The following CSMD1 variants were observed in gnomAD, a reference collection of about 807,000 sequenced individuals.
CSMD1 encodes the protein CUB and Sushi multiple domains 1.
A neutral mutation model predicts 417.5 loss-of-function variants in CSMD1; 213 were observed. That is an observed-to-expected ratio of 0.51 (90% CI 0.46 to 0.57). CSMD1 has a LOEUF of 0.57. Among genes scored for constraint, CSMD1 ranks in the 20% least tolerant of loss-of-function variants. CSMD1 has a pLI of 0.00. For missense variants in CSMD1, 6,923 were observed against 4,529.7 expected (o/e 1.53, Z -15.17); for synonymous variants, 2,862 against 1,736.8 (o/e 1.65, Z -16.11).
At chr8:4,436,589 C>G (rs1413318607) in intron 2 of CSMD1, among the ~76,000 whole-genome samples, 1 of 152,110 alleles carries the variant, frequency 6.6e-6, no homozygotes, top group African/African-American at 2.4e-5. Flanking sequence ...TGATTATATC[C>G]ATCCTGCTGT....
intron 3 of CSMD1, among the ~76,000 whole-genome samples, chr8:4,219,859 TAG>T (rs1800921880): frequency 6.6e-6 from 1 of 152,206 alleles, no homozygotes; most frequent in African/African-American, 2.4e-5. Context: ...GGGGAGTGCA[TAG>T]AAAGACAAAA....
chr8:4,682,332 G>C (rs1806104598), intron 1 of CSMD1, among the ~76,000 whole-genome samples: 1 of 152,066 alleles, frequency 6.6e-6, no homozygotes, highest in African/African-American at 2.4e-5. Context: ...TGCTTAGACT[G>C]AAAAATGCTT....
intron 3 of CSMD1, among the ~76,000 whole-genome samples, chr8:4,070,564 A>G (rs1022458979): frequency 6.6e-6 from 1 of 152,036 alleles, no homozygotes; most frequent in Non-Finnish European, 1.5e-5. Flanking sequence ...TCACCGTGTT[A>G]GCCAGGATGG....
intron 2 of CSMD1, among the ~76,000 whole-genome samples, chr8:4,561,353 A>G (rs1798322400): frequency 6.6e-6 from 1 of 152,184 alleles, no homozygotes; most frequent in Non-Finnish European, 1.5e-5. Context: ...CAGCCCGGTG[A>G]CAGAATGAGA....
At chr8:4,300,954 T>C (rs757856971) in intron 3 of CSMD1, among the ~76,000 whole-genome samples, 5 of 152,150 alleles carry the variant, frequency 3.3e-5, no homozygotes, top group African/African-American at 4.8e-5. Context: ...TTTAGGTTGG[T>C]TCCAAGTCTT....
chr8:3,037,044 G>A (rs1302212253), intron 50 of CSMD1, among the ~76,000 whole-genome samples: 2 of 152,074 alleles, frequency 1.3e-5, no homozygotes, highest in Non-Finnish European at 2.9e-5. Context: ...CTATAGATGG[G>A]CTCCCACTTA....
intron 30 of CSMD1, among the ~76,000 whole-genome samples, chr8:3,214,210 C>T (rs1797767414): frequency 6.6e-6 from 1 of 151,960 alleles, no homozygotes. Flanking sequence ...TAATTAGCAC[C>T]TCTTATAAAG....
chr8:4,319,207 T>C (rs971536728), intron 3 of CSMD1, among the ~76,000 whole-genome samples: 5 of 152,212 alleles, frequency 3.3e-5, no homozygotes, highest in African/African-American at 1.2e-4. Flanking sequence ...ATTACAGATT[T>C]TGATGAAAAG....
rs551077531 is a variant in CSMD1, at chr8:3,308,581, G to T, written c.3632-78C>A. On this transcript the variant is annotated intron_variant, in intron 23 of 69. Coordinates refer to ENST00000635120, the MANE Select transcript of CSMD1 (RefSeq NM_033225.6). Reference sequence around the variant, plus strand: ...TTAAAACAGAGATGAAACAAACAAGGTTGCTAAATGCTCCTTGAAGGGTAG... The same window carrying T: ...TTAAAACAGAGATGAAACAAACAAGTTTGCTAAATGCTCCTTGAAGGGTAG... 2.7e-5 allele frequency: 32 copies of T among 1,180,840 alleles called. No homozygotes were observed. In the East Asian group the frequency reaches 4.0e-4, roughly 15 times the overall value. 73.1% of individuals were successfully genotyped at this position (1,180,840 alleles called of 1,614,324 possible).
intron 2 of CSMD1, among the ~76,000 whole-genome samples, chr8:4,468,364 C>T (rs1324718427): frequency 6.6e-6 from 1 of 152,098 alleles, no homozygotes; most frequent in Non-Finnish European, 1.5e-5. Flanking sequence ...CTTTTAAAAA[C>T]CATTAATAAA....
intron 6 of CSMD1, among the ~76,000 whole-genome samples, chr8:3,749,915 A>C (rs1797248426): frequency 6.6e-6 from 1 of 151,640 alleles, no homozygotes; most frequent in South Asian, 2.1e-4. Context: ...GTGTGTAGCT[A>C]CTCATTTCTG....
chr8:3,149,601 C>G (rs971017136), intron 40 of CSMD1, among the ~76,000 whole-genome samples: 48 of 152,274 alleles, frequency 3.2e-4, no homozygotes, highest in Non-Finnish European at 6.0e-4. Context: ...CCTCAGCCTC[C>G]CAAGTAGTTG....
chr8:4,723,050 T>C (rs1031230207), intron 1 of CSMD1, among the ~76,000 whole-genome samples: 33 of 152,156 alleles, frequency 2.2e-4, no homozygotes, highest in African/African-American at 1.4e-4. Context: ...CAAAACAGTA[T>C]TGATCTCCTT....
At chr8:4,107,835 C>G (rs898870821) in intron 3 of CSMD1, among the ~76,000 whole-genome samples, 2 of 152,222 alleles carry the variant, frequency 1.3e-5, no homozygotes, top group African/African-American at 4.8e-5. Context: ...AACGAAGAGA[C>G]AGGCTGCACA....
At chr8:4,685,691 G>T (rs148706931) in intron 1 of CSMD1, among the ~76,000 whole-genome samples, 1 of 152,318 alleles carries the variant, frequency 6.6e-6, no homozygotes, top group Non-Finnish European at 1.5e-5. Flanking sequence ...TGAAAATTGA[G>T]TACAAGGAAG....
chr8:3,048,373 G>T (rs1367908947), intron 50 of CSMD1, among the ~76,000 whole-genome samples: 1 of 152,034 alleles, frequency 6.6e-6, no homozygotes, highest in Non-Finnish European at 1.5e-5. Context: ...TATGTTACTG[G>T]CAAAAAAGTA....
At chr8:4,412,166 GT>G (rs749424792) in intron 3 of CSMD1, among the ~76,000 whole-genome samples, 3 of 152,122 alleles carry the variant, frequency 2.0e-5, no homozygotes, top group Non-Finnish European at 4.4e-5. Context: ...CTCTGATATA[GT>G]TCGGATATCT....
chr8:4,854,398 C>T (rs953690162), intron 1 of CSMD1, among the ~76,000 whole-genome samples: 2 of 152,056 alleles, frequency 1.3e-5, no homozygotes, highest in African/African-American at 4.8e-5. Flanking sequence ...GCGTGTGCCA[C>T]TCCGGATCGA....
At chr8:3,835,019 C>T (rs866025088) in intron 5 of CSMD1, among the ~76,000 whole-genome samples, 5 of 152,168 alleles carry the variant, frequency 3.3e-5, no homozygotes, top group South Asian at 2.1e-4. Context: ...CACAATGAGA[C>T]ACCATCTCCC....
Sources: gnomAD v4.1 joint callset for allele counts (sites outside exome capture counted in the v4.1 genomes callset) on GRCh38, gnomAD v4.1.1 for gene constraint, MANE v1.5 for transcripts, NCBI Gene and HGNC (gene_info 2026-07-23, HGNC 2026-07-21) for gene names.